NSMCE2: variants seen among roughly 807,000 people sequenced by gnomAD.
NSMCE2 encodes the protein E3 SUMO-protein ligase NSE2.
Under a neutral mutation model 23.8 loss-of-function variants are expected in NSMCE2, and 24 were observed. The observed-to-expected ratio is 1.01, with a 90% CI of 0.73 to 1.42. The LOEUF is 1.42. NSMCE2 is among the 40% of genes most tolerant of loss of function. The pLI, the probability that NSMCE2 is intolerant of heterozygous loss-of-function variation, is 0.00. For synonymous variants in NSMCE2, 92 were observed against 94.1 expected (o/e 0.98, Z 0.13); for missense variants, 284 against 296.5 (o/e 0.96, Z 0.31).
At position 125,152,675 on chromosome 8, in the gene NSMCE2, A is replaced by T. The variant is rs986454291; in HGVS notation, c.264+1398A>T. On this transcript the variant is annotated intron_variant, in intron 4 of 7. Coordinates refer to ENST00000287437, the MANE Select transcript of NSMCE2 (RefSeq NM_173685.4). Reference sequence around the variant, plus strand: ...CAGTGTATATTACAGATAAGAAAACAAGATTTTGGAGTCAAAGAACGTTAT... The same window carrying T: ...CAGTGTATATTACAGATAAGAAAACTAGATTTTGGAGTCAAAGAACGTTAT... Among the ~76,000 whole-genome samples the T allele has an allele frequency of 2.6e-5, 4 of 152,322 alleles. No individual in the cohort carries two copies. The East Asian group carries it at 7.7e-4, about 29-fold the overall frequency.
At chr8:125,128,620 G>A (rs1819618309) in intron 3 of NSMCE2, among the ~76,000 whole-genome samples, 1 of 152,100 alleles carries the variant, frequency 6.6e-6, no homozygotes, top group African/African-American at 2.4e-5. Flanking sequence ...ATCTTAACTG[G>A]GCTAAAAGCA....
intron 5 of NSMCE2, among the ~76,000 whole-genome samples, chr8:125,264,047 CA>C (rs1826812006): frequency 6.6e-6 from 1 of 152,142 alleles, no homozygotes; most frequent in South Asian, 2.1e-4. Context: ...TCAGATTTCC[CA>C]TGTCTGGCAC....
chr8:125,228,886 C>T (rs1172751055), intron 5 of NSMCE2, among the ~76,000 whole-genome samples: 1 of 152,202 alleles, frequency 6.6e-6, no homozygotes, highest in Non-Finnish European at 1.5e-5. Flanking sequence ...AGTAGAAACT[C>T]AGAAAGCCTG....
At chr8:125,239,868 AATAAAG>A (rs1429027692) in intron 5 of NSMCE2, among the ~76,000 whole-genome samples, 3 of 152,150 alleles carry the variant, frequency 2.0e-5, no homozygotes, top group Non-Finnish European at 4.4e-5. Context: ...CTGTGCTGTA[AATAAAG>A]ATAAAAGAGT....
In NSMCE2 at chr8:125,168,097, G is replaced by A. The variant is rs144820305; in HGVS notation, c.265-14006G>A. Reference sequence around the variant, plus strand: ...GAATTTTTGAAATCACTAATCGATGGGTTTAATTTCTATGAAAGATTTTAT... The same window carrying A: ...GAATTTTTGAAATCACTAATCGATGAGTTTAATTTCTATGAAAGATTTTAT... On this transcript the variant is annotated intron_variant, in intron 4 of 7. Transcript: ENST00000287437. Among the ~76,000 whole-genome samples the A allele has an allele frequency of 8.3e-3, 1,268 of 152,166 alleles. 22 individuals carry two copies. Among genetic ancestry groups the A allele is most frequent in the African/African-American group, 0.029 (1,205 of 41,504 alleles).
At chr8:125,217,851 A>G (rs1824670183) in intron 5 of NSMCE2, among the ~76,000 whole-genome samples, 1 of 151,512 alleles carries the variant, frequency 6.6e-6, no homozygotes, top group South Asian at 2.1e-4. Flanking sequence ...CTTTTCCACT[A>G]TACTTAGTGG....
intron 5 of NSMCE2, among the ~76,000 whole-genome samples, chr8:125,206,706 G>A (rs1226817536): frequency 6.6e-6 from 1 of 152,200 alleles, no homozygotes; most frequent in African/African-American, 2.4e-5. Flanking sequence ...GGTGGGGAAG[G>A]TGACTTTCAT....
chr8:125,193,750 G>T, intron 5 of NSMCE2, among the ~76,000 whole-genome samples: 1 of 152,170 alleles, frequency 6.6e-6, no homozygotes, highest in South Asian at 2.1e-4. Context: ...AGAATTGAAA[G>T]AAGAAAGGTA....
intron 3 of NSMCE2, among the ~76,000 whole-genome samples, chr8:125,149,708 T>G (rs963728075): frequency 6.6e-6 from 1 of 152,196 alleles, no homozygotes; most frequent in Non-Finnish European, 1.5e-5. Flanking sequence ...TTTTAATTTT[T>G]TAAACATAGT....
rs186122444 is a variant in NSMCE2 at position 125,143,920 on chromosome 8, A to T, written c.158-7251A>T. ...TGAAGTGTTTGGTTCTTTTCTGGAG[A>T]TTAGGGAGGATTCTGGAAAAGGACC... On this transcript the variant is annotated intron_variant, in intron 3 of 7. Transcript: ENST00000287437. Among the ~76,000 whole-genome samples, 5 of 152,186 alleles carry T rather than the reference A, an allele frequency of 3.3e-5. No individual in the cohort carries two copies. In the East Asian group the frequency reaches 9.7e-4, roughly 29 times the overall value.
chr8:125,203,706 T>A (rs556792860), intron 5 of NSMCE2, among the ~76,000 whole-genome samples: 1 of 152,222 alleles, frequency 6.6e-6, no homozygotes, highest in Non-Finnish European at 1.5e-5. Flanking sequence ...ATTGATGTCT[T>A]GGAGGTGAGA....
chr8:125,134,466 A>C (rs1184326589), intron 3 of NSMCE2, among the ~76,000 whole-genome samples: 1 of 152,190 alleles, frequency 6.6e-6, no homozygotes, highest in Non-Finnish European at 1.5e-5. Flanking sequence ...CCATTCTAAT[A>C]GATATGCAAT....
rs191375517 is a variant in NSMCE2, at chr8:125,328,187, A to C, written c.419-29032A>C. ...TTTTTTAACAGATTCTTAAGTTATG[A>C]CATTGAAATTGACAGTCAGAATCAT... On this transcript the variant is annotated intron_variant, in intron 5 of 7. Transcript: ENST00000287437. 2.2e-3 allele frequency among the ~76,000 whole-genome samples: 328 copies of C among 150,274 alleles called. 2 individuals carry two copies. The highest frequency in any genetic ancestry group is 7.8e-3 in the African/African-American group (317 of 40,698).
At chr8:125,263,542 G>A (rs936494334) in intron 5 of NSMCE2, among the ~76,000 whole-genome samples, 1 of 152,134 alleles carries the variant, frequency 6.6e-6, no homozygotes, top group Non-Finnish European at 1.5e-5. Flanking sequence ...CTGAGGTCAG[G>A]AGTTTGAGAC....
intron 3 of NSMCE2, among the ~76,000 whole-genome samples, chr8:125,131,241 A>C (rs1819758087): frequency 6.6e-6 from 1 of 152,166 alleles, no homozygotes; most frequent in Non-Finnish European, 1.5e-5. Context: ...GACATACTGC[A>C]ATCTCTTTTT....
At chr8:125,134,745 A>ATTT (rs1819974066) in intron 3 of NSMCE2, among the ~76,000 whole-genome samples, 2 of 122,462 alleles carry the variant, frequency 1.6e-5, no homozygotes, top group Non-Finnish European at 3.3e-5. Context: ...TTTTTTTTTA[A>ATTT]GAGTCGGGGT....
At chr8:125,099,778 G>A (rs1005759310) in intron 1 of NSMCE2, among the ~76,000 whole-genome samples, 7 of 152,292 alleles carry the variant, frequency 4.6e-5, no homozygotes, top group African/African-American at 1.2e-4. Flanking sequence ...GGAGACAAAT[G>A]TATACAAATC....
chr8:125,130,122 C>G (rs1289939471), intron 3 of NSMCE2: 8 of 343,726 alleles, frequency 2.3e-5, no homozygotes, highest in South Asian at 1.3e-4. Context: ...GTAATCCTGA[C>G]AGTTTTGAGG....
At chr8:125,098,985 CAT>C (rs371276570) in intron 1 of NSMCE2, among the ~76,000 whole-genome samples, 132 of 152,248 alleles carry the variant, frequency 8.7e-4, no homozygotes, top group Middle Eastern at 6.8e-3. Flanking sequence ...GTTTTGGAGA[CAT>C]GTGCTGTTTT....
Sources: gnomAD v4.1 joint callset for allele counts (sites outside exome capture counted in the v4.1 genomes callset) on GRCh38, gnomAD v4.1.1 for gene constraint, MANE v1.5 for transcripts, NCBI Gene and HGNC (gene_info 2026-07-23, HGNC 2026-07-21) for gene names.